Variants in UGGT2 observed in about 807,000 individuals in gnomAD.
The protein encoded by UGGT2 is UDP-glucose glycoprotein glucosyltransferase 2, also known as UDP-glucose:glycoprotein glucosyltransferase 2.
In UGGT2, 180 loss-of-function variants were observed where a neutral mutation model predicts 192.1. The observed-to-expected ratio is 0.94, with a 90% CI of 0.83 to 1.06. The LOEUF (loss-of-function observed/expected upper bound fraction) is 1.06. Ranked by LOEUF, UGGT2 falls within the 50% of genes least tolerant of loss-of-function variation. The pLI is 0.00. For missense variants in UGGT2, 1,849 were observed against 1,795.7 expected, an observed-to-expected ratio of 1.03 and a Z score of -0.54; for synonymous variants, 580 against 591.0, an observed-to-expected ratio of 0.98 and a Z score of 0.27.
intron 38 of UGGT2, among the ~76,000 whole-genome samples, chr13:95,832,447 C>G (rs1183188347): frequency 1.3e-5 from 2 of 152,006 alleles, no homozygotes; most frequent in Non-Finnish European, 2.9e-5. Context: ...CAAATCTAAT[C>G]CAAGTCATTC....
chr13:96,002,428 T>C (rs2051836841), intron 5 of UGGT2, among the ~76,000 whole-genome samples: 1 of 152,246 alleles, frequency 6.6e-6, no homozygotes, highest in Non-Finnish European at 1.5e-5. Flanking sequence ...TTTACATCTC[T>C]TGCCACTAAA....
At chr13:95,944,125 T>A (rs1566736897) in intron 15 of UGGT2, among the ~76,000 whole-genome samples, 1 of 152,034 alleles carries the variant, frequency 6.6e-6, no homozygotes, top group East Asian at 1.9e-4. Context: ...TTACTTTTTA[T>A]ATACCTGCTG....
chr13:95,931,919 A>G (rs1008171118), intron 17 of UGGT2, among the ~76,000 whole-genome samples: 31 of 152,208 alleles, frequency 2.0e-4, no homozygotes, highest in Non-Finnish European at 2.6e-4. Context: ...CTCCTCGAGC[A>G]TGGCCAGAGC....
rs557906995 is a variant in UGGT2, at chr13:95,895,007, A to G, written c.2759+173T>C. The stretch of plus-strand genomic sequence containing the variant: ...AGGCAAAGAAAACATTAACATCTAC[A>G]GTTTTGTGATGGTGAGTAAATGGAT... On this transcript the variant is annotated intron_variant, in intron 23 of 38. Transcript: ENST00000376747. Among the ~76,000 whole-genome samples, 5 of 152,152 alleles carry G rather than the reference A, an allele frequency of 3.3e-5. No individual in the cohort carries two copies. In the East Asian group the frequency reaches 5.8e-4, roughly 18 times the overall value.
chr13:96,003,011 C>A (rs1692401032), intron 5 of UGGT2, among the ~76,000 whole-genome samples: 1 of 152,148 alleles, frequency 6.6e-6, no homozygotes, highest in Admixed American at 6.5e-5. Context: ...TTTCAGAGTT[C>A]CTTAGCTGCG....
intron 20 of UGGT2, among the ~76,000 whole-genome samples, chr13:95,904,738 C>T (rs1240941302): frequency 2.0e-5 from 3 of 152,118 alleles, no homozygotes; most frequent in African/African-American, 4.8e-5. Context: ...CTACTGTGAA[C>T]AATGCCGCAA....
intron 17 of UGGT2, among the ~76,000 whole-genome samples, chr13:95,927,649 G>GC (rs911734544): frequency 6.6e-6 from 1 of 150,954 alleles, no homozygotes; most frequent in African/African-American, 2.4e-5. Context: ...TTGTTTGTTT[G>GC]CTTTTTTGTT....
intron 5 of UGGT2, among the ~76,000 whole-genome samples, chr13:96,006,831 A>G (rs1030835234): frequency 6.6e-6 from 1 of 152,090 alleles, no homozygotes; most frequent in African/African-American, 2.4e-5. Flanking sequence ...AAAGGGAGAA[A>G]TATGCCTCAG....
At chr13:95,809,462 TTC>T in intron 38 of UGGT2, 1 of 373,686 alleles carries the variant, frequency 2.7e-6, no homozygotes, top group East Asian at 7.4e-5. Flanking sequence ...TGTTTGCACG[TTC>T]TGTCTGGAGA....
chr13:95,938,475 G>A (rs906522607), intron 16 of UGGT2, among the ~76,000 whole-genome samples: 1 of 152,164 alleles, frequency 6.6e-6, no homozygotes, highest in East Asian at 1.9e-4. Flanking sequence ...GATACAGAGA[G>A]ATTAAATCAC....
chr13:95,939,596 AATATACATTGTG>A (rs1471286545), intron 16 of UGGT2, among the ~76,000 whole-genome samples: 2 of 151,452 alleles, frequency 1.3e-5, no homozygotes, highest in Non-Finnish European at 2.9e-5. Context: ...TTTTGATATT[AATATACATTGTG>A]GAATAGCTAA....
chr13:95,975,202 G>A (rs2050899265), intron 10 of UGGT2, among the ~76,000 whole-genome samples: 1 of 152,180 alleles, frequency 6.6e-6, no homozygotes, highest in Admixed American at 6.5e-5. Context: ...TAAAGACCTT[G>A]CCTGGAGGAA....
intron 1 of UGGT2, among the ~76,000 whole-genome samples, chr13:96,037,027 C>A (rs866010522): frequency 6.6e-6 from 1 of 152,210 alleles, no homozygotes; most frequent in African/African-American, 2.4e-5. Flanking sequence ...TCAAAAAATT[C>A]TACCCAGAGA....
chr13:95,959,489 T>C (rs1175849921), intron 12 of UGGT2, among the ~76,000 whole-genome samples: 2 of 152,088 alleles, frequency 1.3e-5, no homozygotes, highest in Non-Finnish European at 2.9e-5. Flanking sequence ...CCATCTTGCC[T>C]GGTTCTATCA....
At position 96,053,181 on chromosome 13, in the gene UGGT2, G is replaced by C. The variant is rs574795471; in HGVS notation, c.132C>G (p.Pro44=). The C allele has an allele frequency of 3.2e-5, 49 of 1,520,248 alleles. No individual in the cohort carries two copies. In the African/African-American group the frequency reaches 3.5e-4, roughly 11 times the overall value. The allele number at this position is 1,520,248 out of a possible 1,614,324, so 94.2% of individuals were successfully genotyped here. Residue 44 remains proline (P), a synonymous_variant, in exon 1 of 39, where the codon CCC becomes CCG. Coordinates refer to ENST00000376747, the MANE Select transcript of UGGT2 (RefSeq NM_020121.4). ...SVTAHLAAKW[P]ETPLLLEASE... ...TTGCCTCCAGCAGCAGCGGGGTCTC[G>C]GGCCACTTCGCGGCCAAGTGGGCAG...
In UGGT2 at chr13:95,969,163, A is replaced by G. The variant is rs148440684; in HGVS notation, c.1335+949T>C. Among the ~76,000 whole-genome samples the G allele has an allele frequency of 3.2e-3, 485 of 152,278 alleles. 3 individuals are homozygous for G. The highest frequency in any genetic ancestry group is 5.2e-3 in the Non-Finnish European group (353 of 68,016). ...TCTACATGATGGATCGTCTCTCACAATCTTGAACTCAGGCTCAAGTAAGTG... is the reference window on the plus strand; with the variant it reads ...TCTACATGATGGATCGTCTCTCACAGTCTTGAACTCAGGCTCAAGTAAGTG... On this transcript the variant is annotated intron_variant, in intron 12 of 38. Coordinates refer to ENST00000376747, the MANE Select transcript of UGGT2 (RefSeq NM_020121.4).
intron 5 of UGGT2, among the ~76,000 whole-genome samples, chr13:96,001,952 G>C (rs1166162491): frequency 6.6e-6 from 1 of 152,084 alleles, no homozygotes; most frequent in Non-Finnish European, 1.5e-5. Context: ...TTACTCTACT[G>C]TAAGAATTAC....
chr13:95,887,273 CCT>C (rs770750564), intron 26 of UGGT2: 23 of 515,578 alleles, frequency 4.5e-5, no homozygotes, highest in Admixed American at 4.3e-4. Flanking sequence ...TGGTACATAC[CCT>C]GTTTTCTGCC....
intron 12 of UGGT2, among the ~76,000 whole-genome samples, chr13:95,958,244 T>G (rs1272398900): frequency 6.6e-6 from 1 of 151,934 alleles, no homozygotes; most frequent in Non-Finnish European, 1.5e-5. Context: ...CTCCGCCTCC[T>G]AGGTTCATGC....
Sources: allele counts gnomAD v4.1 joint callset (sites outside exome capture counted in the v4.1 genomes callset), GRCh38; gene constraint gnomAD v4.1.1; transcripts MANE v1.5; gene names NCBI Gene and HGNC (gene_info 2026-07-23, HGNC 2026-07-21).